The following PLD3 variants were observed in gnomAD, a reference collection of about 807,000 sequenced individuals.
PLD3 encodes phospholipase D family member 3, also known as 5'-3' exonuclease PLD3.
In PLD3, 31 loss-of-function variants were observed where a neutral mutation model predicts 58.4. The ratio of observed to expected loss-of-function variants is 0.53; its 90% CI spans 0.40 to 0.72. The LOEUF (loss-of-function observed/expected upper bound fraction) is 0.72, where lower values mean the gene tolerates loss of function less well. Among genes scored for constraint, PLD3 ranks in the 30% least tolerant of loss-of-function variants. PLD3 has a pLI of 0.00. For missense variants in PLD3, 595 were observed against 659.8 expected, an observed-to-expected ratio of 0.90 and a Z score of 1.08; for synonymous variants, 264 against 273.4, an observed-to-expected ratio of 0.97 and a Z score of 0.34.
intron 11 of PLD3, 73 bp downstream of exon 11, chr19:40,376,847 G>T: frequency 2.9e-6 from 4 of 1,399,528 alleles, no homozygotes; most frequent in Non-Finnish European, 3.9e-6. Context: ...CATGGGACTC[G>T]TCTGTCAATG....
chr19:40,377,110 CG>C (rs1261655433), intron 11 of PLD3, among the ~76,000 whole-genome samples: 2 of 29,164 alleles, frequency 6.9e-5, no homozygotes, highest in African/African-American at 2.3e-4. Context: ...GCAGAAGGGT[CG>C]GGGCCGGGTT....
At chr19:40,371,129 T>C (rs1225520886) in intron 8 of PLD3, among the ~76,000 whole-genome samples, 2 of 152,204 alleles carry the variant, frequency 1.3e-5, no homozygotes, top group Non-Finnish European at 1.5e-5. Context: ...GGAAACAGCT[T>C]GGGCAATGAG....
intron 1 of PLD3, chr19:40,357,510 C>T (rs993767434): frequency 1.1e-4 from 17 of 152,188 alleles, no homozygotes. Context: ...TTTTTCCCCA[C>T]CCTCTCAGCC....
At chr19:40,367,196 C>A in intron 5 of PLD3, 1 of 423,274 alleles carries the variant, frequency 2.4e-6, no homozygotes. Flanking sequence ...CCTTCCACAC[C>A]TCTAGACAGA....
At position 40,366,689 on chromosome 19, in the gene PLD3, G is replaced by A. The variant is rs201784397; in HGVS notation, c.102+5G>A. The A allele has an allele frequency of 6.2e-7, 1 of 1,610,352 alleles. No homozygotes were observed. The highest frequency in any genetic ancestry group is 2.2e-5 in the East Asian group (1 of 44,816). Reference sequence around the variant, plus strand: ...GCGTGGAAGGCTGCGGAAAAGGTAGGAGCCCTCCGCCACCCTCGCTCTGTC... The same window carrying A: ...GCGTGGAAGGCTGCGGAAAAGGTAGAAGCCCTCCGCCACCCTCGCTCTGTC... On this transcript the variant is annotated splice_donor_5th_base_variant and intron_variant, in intron 4 of 12. Coordinates refer to ENST00000409735, the MANE Select transcript of PLD3 (RefSeq NM_012268.4).
At chr19:40,376,926 A>C in intron 11 of PLD3, 152 bp downstream of exon 11, 1 of 748,394 alleles carries the variant, frequency 1.3e-6, no homozygotes, top group Non-Finnish European at 2.1e-6. Flanking sequence ...GTCATGGGGC[A>C]CAGGGAGAGG....
chr19:40,376,956 G>T (rs1245414973), intron 11 of PLD3, among the ~76,000 whole-genome samples, 182 bp downstream of exon 11: 1 of 151,048 alleles, frequency 6.6e-6, no homozygotes, highest in Non-Finnish European at 1.5e-5. Context: ...CGGGATGAGG[G>T]GGCACAGGCA....
At position 40,371,623 on chromosome 19, in the gene PLD3, T is replaced by C. The variant is rs776694508; in HGVS notation, c.679-50T>C. 1.8e-5 allele frequency: 24 copies of C among 1,308,536 alleles called. 1 individual carries two copies. The highest frequency in any genetic ancestry group is 3.7e-4 in the Middle Eastern group (2 of 5,422). 81.1% of individuals were successfully genotyped at this position (1,308,536 alleles called of 1,614,324 possible). A position where few individuals can be genotyped will look rare whatever the true frequency, so the allele number is the denominator to read the frequency against. Reference sequence around the variant, plus strand: ...ACCAGACTGGGGAGTGTCCCTGTCATCTGTGAGCACTAGGCCGCTATCGCT... The same window carrying C: ...ACCAGACTGGGGAGTGTCCCTGTCACCTGTGAGCACTAGGCCGCTATCGCT... On this transcript the variant is annotated intron_variant, in intron 8 of 12. Coordinates refer to ENST00000409735, the MANE Select transcript of PLD3 (RefSeq NM_012268.4).
chr19:40,366,679 GA>G lies in PLD3; in HGVS notation c.101del (p.Lys34ArgfsTer20). On this transcript the variant is annotated frameshift_variant, in exon 4 of 13. Transcript: ENST00000409735. LOFTEE classifies it high-confidence loss of function. Reference sequence around the variant, plus strand: ...TGAGATTGAGGCGTGGAAGGCTGCGGAAAAGGTAGGAGCCCTCCGCCACCCT... The same window carrying G: ...TGAGATTGAGGCGTGGAAGGCTGCGGAAAGGTAGGAGCCCTCCGCCACCCT... ...MNEIEAWKAAEKKARWVLLVL... is the reference protein window; with the variant it reads ...MNEIEAWKAAXKKARWVLLVL... 6.2e-7 allele frequency: 1 copy of G among 1,606,606 alleles called. No homozygotes were observed. The highest frequency in any genetic ancestry group is 8.5e-7 in the Non-Finnish European group (1 of 1,175,124).
Position 40,378,464 on chromosome 19 carries a change from A to T in PLD3, c.*291A>T. 1.9e-6 allele frequency: 1 copy of T among 513,732 alleles called. No individual in the cohort carries two copies. The highest frequency in any genetic ancestry group is 3.5e-6 in the Non-Finnish European group (1 of 282,938). The allele number at this position is 513,732 out of a possible 1,614,324, so 31.8% of individuals were successfully genotyped here. On this transcript the variant is annotated 3_prime_UTR_variant, in exon 13 of 13. Transcript: ENST00000409735. ...GGCAAAAAGGGCCCAGGGTTATAAT[A>T]AGTAAATAACTTGTCTGTACAGCCT...
intron 6 of PLD3, among the ~76,000 whole-genome samples, chr19:40,368,621 G>T (rs528003588): frequency 1.3e-5 from 2 of 152,164 alleles, no homozygotes; most frequent in East Asian, 3.9e-4. Flanking sequence ...AAATAATTAT[G>T]GCCAAGTGTG....
intron 1 of PLD3, chr19:40,359,531 C>T (rs930462806): frequency 7.2e-5 from 11 of 152,338 alleles, no homozygotes; most frequent in Middle Eastern, 3.4e-3. Flanking sequence ...CCCTACCCTG[C>T]TCCCACAAGG....
intron 1 of PLD3, among the ~76,000 whole-genome samples, chr19:40,362,882 G>A (rs926162139): frequency 6.6e-6 from 1 of 152,090 alleles, no homozygotes; most frequent in African/African-American, 2.4e-5. Flanking sequence ...CTGACAATTT[G>A]AACGAAGTCC....
chr19:40,361,944 C>A (rs11669391), intron 1 of PLD3, among the ~76,000 whole-genome samples: 51,581 of 151,784 alleles, frequency 0.34, 10,706 homozygotes, highest in South Asian at 0.54. Context: ...TCAAGCAATT[C>A]GCCCACCTCA....
rs568766763 is a variant in PLD3, at chr19:40,354,429, G to C, written c.-279+5661G>C. ...TCACTTTGTTGCCCAGGCTGCCCAG[G>C]TCTCAAACTCCTGGGCTTAAGTAAT... is the stretch of plus-strand genomic sequence containing the variant. On this transcript the variant is annotated intron_variant, in intron 1 of 12. Transcript: ENST00000409735. 1.1e-4 allele frequency among the ~76,000 whole-genome samples: 16 copies of C among 152,072 alleles called. No individual in the cohort carries two copies. The South Asian group carries it at 3.3e-3, about 32-fold the overall frequency.
At chr19:40,354,877 G>A (rs566919672) in intron 1 of PLD3, among the ~76,000 whole-genome samples, 8 of 149,762 alleles carry the variant, frequency 5.3e-5, no homozygotes, top group African/African-American at 9.9e-5. Flanking sequence ...TCACTCTGTC[G>A]CCCAGGCTAC....
intron 11 of PLD3, 33 bp downstream of exon 11, chr19:40,376,807 T>G: frequency 6.3e-7 from 1 of 1,583,884 alleles, no homozygotes; most frequent in Non-Finnish European, 8.6e-7. Context: ...CCTTGGCCCC[T>G]GTGTGGGGCA....
At chr19:40,357,947 G>A (rs1368326420) in intron 1 of PLD3, 1 of 152,190 alleles carries the variant, frequency 6.6e-6, no homozygotes. Context: ...GAATGAAAGT[G>A]TGGCTTAGAG....
At chr19:40,376,445 T>C (rs74429191) in intron 10 of PLD3, 164 bp from the exon 11 acceptor site, 16,806 of 616,064 alleles carry the variant, frequency 0.027, 319 homozygotes, top group Non-Finnish European at 0.035. Flanking sequence ...GAAATAGGGA[T>C]GTGGGATTTA....
Sources: allele counts gnomAD v4.1 joint callset (sites outside exome capture counted in the v4.1 genomes callset), GRCh38; gene constraint gnomAD v4.1.1; transcripts MANE v1.5; gene names NCBI Gene and HGNC (gene_info 2026-07-23, HGNC 2026-07-21).